The following AGK variants were observed in gnomAD, a reference collection of about 807,000 sequenced individuals.
AGK encodes the protein acylglycerol kinase, also known as acylglycerol kinase, mitochondrial.
Under a neutral mutation model 66.4 loss-of-function variants are expected in AGK, and 52 were observed. The ratio of observed to expected loss-of-function variants is 0.78; its 90% CI spans 0.63 to 0.99. AGK has a LOEUF of 0.99. AGK is among the 50% of genes least tolerant of loss of function. The pLI is 0.00. For missense variants in AGK, 451 were observed against 506.6 expected (o/e 0.89, Z 1.05); for synonymous variants, 182 against 181.1 (o/e 1.00, Z -0.04).
At chr7:141,581,776 T>C (rs934860771) in intron 2 of AGK, among the ~76,000 whole-genome samples, 2 of 151,820 alleles carry the variant, frequency 1.3e-5, no homozygotes, top group African/African-American at 4.9e-5. Flanking sequence ...GGGAGGCAGA[T>C]AATTTAGTTA....
At chr7:141,596,753 C>T in intron 4 of AGK, 112 bp downstream of exon 4, 1 of 847,060 alleles carries the variant, frequency 1.2e-6, no homozygotes, top group East Asian at 2.5e-5. Context: ...AGGTTTAGTA[C>T]TCTTCTAGCA....
chr7:141,614,520 G>A (rs1212066078), intron 7 of AGK, among the ~76,000 whole-genome samples: 1 of 151,516 alleles, frequency 6.6e-6, no homozygotes, highest in Non-Finnish European at 1.5e-5. Context: ...TGAACTAAAT[G>A]TATAAATATC....
intron 6 of AGK, among the ~76,000 whole-genome samples, chr7:141,612,324 G>A (rs1796606828): frequency 6.6e-6 from 1 of 152,190 alleles, no homozygotes; most frequent in Non-Finnish European, 1.5e-5. Context: ...TGAAGAGAGG[G>A]ATGAATAGGC....
rs1796158276 is a variant in AGK, at chr7:141,593,149, T to A, written c.105T>A (p.Asp35Glu). Residue 35 changes from aspartate (D) to glutamate (E), a missense_variant, in exon 3 of 16, where the codon GAT becomes GAA. Coordinates refer to ENST00000649286, the MANE Select transcript of AGK (RefSeq NM_018238.4). Reference sequence around the variant, plus strand: ...TCTCTTTTGCTTACTTTGATAGTGATAACCTCCTAAGGAGAGCAGCCTGTC... The same window carrying A: ...TCTCTTTTGCTTACTTTGATAGTGAAAACCTCCTAAGGAGAGCAGCCTGTC... ...GGHWLYGKHC[D>E]NLLRRAACQE... The A allele has an allele frequency of 6.2e-7, 1 of 1,611,360 alleles. No homozygotes were observed. Among genetic ancestry groups the A allele is most frequent in the Non-Finnish European group, 8.5e-7 (1 of 1,179,242 alleles).
intron 5 of AGK, 107 bp from the exon 6 acceptor site, chr7:141,611,088 C>T (rs1268535708): frequency 2.7e-5 from 16 of 599,788 alleles, no homozygotes; most frequent in South Asian, 1.4e-4. Flanking sequence ...GTAAAATTTA[C>T]GAAGACAGTC....
chr7:141,560,006 TATAAG>T (rs1447915027), intron 2 of AGK, among the ~76,000 whole-genome samples: 1 of 152,118 alleles, frequency 6.6e-6, no homozygotes. Flanking sequence ...GGTTTCTACA[TATAAG>T]ATATGTCATC....
chr7:141,614,983 A>G (rs1796675870), intron 7 of AGK, among the ~76,000 whole-genome samples: 2 of 152,200 alleles, frequency 1.3e-5, no homozygotes, highest in Non-Finnish European at 2.9e-5. Flanking sequence ...GCATTTAATT[A>G]ACTGCTATGC....
chr7:141,624,313 A>G lies in AGK; in HGVS notation c.588+2512A>G, dbSNP rs561772374. Among the ~76,000 whole-genome samples, 80 of 152,344 alleles carry G rather than the reference A, an allele frequency of 5.3e-4. No homozygotes were observed. The Middle Eastern group carries it at 0.014, about 26-fold the overall frequency. On this transcript the variant is annotated intron_variant, in intron 9 of 15. Transcript: ENST00000649286. Reference sequence around the variant, plus strand: ...GGCAACAAAGTGAGACCCCATCTATACAAAAAAACTTTGTAAAAAAATTAG... The same window carrying G: ...GGCAACAAAGTGAGACCCCATCTATGCAAAAAAACTTTGTAAAAAAATTAG...
chr7:141,560,981 G>T (rs1024687016), intron 2 of AGK, among the ~76,000 whole-genome samples: 12 of 152,182 alleles, frequency 7.9e-5, no homozygotes, highest in Non-Finnish European at 1.5e-4. Context: ...TTTTAGTAGA[G>T]ACGGGGTTTC....
intron 2 of AGK, among the ~76,000 whole-genome samples, chr7:141,564,633 C>T (rs1795428610): frequency 6.6e-6 from 1 of 152,216 alleles, no homozygotes; most frequent in East Asian, 1.9e-4. Flanking sequence ...GCTTTAGACA[C>T]AGTTGACTCT....
Position 141,641,383 on chromosome 7 carries a change from G to C in AGK, c.862G>C (p.Ala288Pro). 6.2e-7 allele frequency: 1 copy of C among 1,612,504 alleles called. No homozygotes were observed. ...RILRRLASYWAQPQDALSQEV... is the reference protein window; with the variant it reads ...RILRRLASYWPQPQDALSQEV... ...ATTACGAAGGCTTGCGTCCTACTGG[G>C]CACAACCACAGGATGGTGAGCAATG... Residue 288 changes from alanine (A) to proline (P), a missense_variant, in exon 12 of 16, where the codon GCA becomes CCA. Physicochemically the swap from Ala to Pro is conservative, Grantham distance 27. Coordinates refer to ENST00000649286, the MANE Select transcript of AGK (RefSeq NM_018238.4).
intron 9 of AGK, among the ~76,000 whole-genome samples, chr7:141,625,172 GTATAA>G (rs547990031): frequency 1.0e-3 from 152 of 152,116 alleles, no homozygotes; most frequent in African/African-American, 3.5e-3. Context: ...ATAGACTATA[GTATAA>G]TATAACTTTT....
intron 2 of AGK, among the ~76,000 whole-genome samples, chr7:141,570,893 C>A (rs1313048093): frequency 6.6e-6 from 1 of 152,084 alleles, no homozygotes; most frequent in Admixed American, 6.5e-5. Context: ...TCTCTTAAGT[C>A]TCTTAAAGTA....
intron 5 of AGK, among the ~76,000 whole-genome samples, chr7:141,607,383 CA>C (rs969249703): frequency 3.9e-5 from 6 of 152,126 alleles, no homozygotes. Flanking sequence ...TTTTAATTTG[CA>C]ATTCCCTAAT....
rs368433813 is a variant in AGK, at chr7:141,611,177, G to T, written c.298-18G>T. Reference sequence around the variant, plus strand: ...CTCTAGGTTGATAAACTCACCAAAGGCTTCCTTGGTATTTCAGACAGATTA... The same window carrying T: ...CTCTAGGTTGATAAACTCACCAAAGTCTTCCTTGGTATTTCAGACAGATTA... On this transcript the variant is annotated intron_variant, in intron 5 of 15. Transcript: ENST00000649286. 65 of 1,564,848 alleles carry T rather than the reference G, an allele frequency of 4.2e-5. No homozygotes were observed. The highest frequency in any genetic ancestry group is 6.8e-5 in the African/African-American group (5 of 73,882).
At chr7:141,640,052 G>A (rs1481965609) in intron 11 of AGK, among the ~76,000 whole-genome samples, 1 of 152,168 alleles carries the variant, frequency 6.6e-6, no homozygotes, top group Non-Finnish European at 1.5e-5. Flanking sequence ...ACTTGGTGCA[G>A]TTAGGTCTTC....
In AGK at chr7:141,578,237, C is replaced by T. The variant is rs187277667; in HGVS notation, c.102-14909C>T. On this transcript the variant is annotated intron_variant, in intron 2 of 15. Transcript: ENST00000649286. The stretch of plus-strand genomic sequence containing the variant: ...GATTTGGGTGGATAGTGGAAAATTA[C>T]AGTCAAAGGGGGCTTGTTCTCTGGC... Among the ~76,000 whole-genome samples, 101 of 151,406 alleles carry T rather than the reference C, an allele frequency of 6.7e-4. 1 individual carries two copies. Among genetic ancestry groups the T allele is most frequent in the African/African-American group, 2.3e-3 (93 of 41,020 alleles).
In AGK at chr7:141,641,260, A is replaced by G; in HGVS notation, c.739A>G (p.Thr247Ala). The G allele has an allele frequency of 6.2e-7, 1 of 1,612,526 alleles. No individual in the cohort carries two copies. The highest frequency in any genetic ancestry group is 8.5e-7 in the Non-Finnish European group (1 of 1,179,532). The change falls in exon 12 of 16, where the codon ACT becomes GCT. Residue 247 changes from threonine (T) to alanine (A), a missense_variant. By Grantham distance (58) the Thr-to-Ala change is moderately conservative. Coordinates refer to ENST00000649286, the MANE Select transcript of AGK (RefSeq NM_018238.4). Reference sequence around the variant, plus strand: ...TCCACATTAAAAGGAGTGGCCTCAGACTCATCAAGCCTCTATCTCATACAC... The same window carrying G: ...TCCACATTAAAAGGAGTGGCCTCAGGCTCATCAAGCCTCTATCTCATACAC... The part of the protein sequence containing the change: ...FFSTLKEWPQ[T>A]HQASISYTGP...
At chr7:141,633,828 G>A in intron 9 of AGK, 73 bp from the exon 10 acceptor site, 1 of 1,322,790 alleles carries the variant, frequency 7.6e-7, no homozygotes, top group Non-Finnish European at 1.1e-6. Context: ...ATGAACATTT[G>A]CTGAGTACTT....
Sources: gnomAD v4.1 joint callset for allele counts (sites outside exome capture counted in the v4.1 genomes callset) on GRCh38, gnomAD v4.1.1 for gene constraint, MANE v1.5 for transcripts, NCBI Gene and HGNC (gene_info 2026-07-23, HGNC 2026-07-21) for gene names.